Variants in ARID1B observed in about 807,000 individuals in gnomAD.
ARID1B encodes AT-rich interaction domain 1B.
In ARID1B, 30 loss-of-function variants were observed where a neutral mutation model predicts 212.3. The ratio of observed to expected loss-of-function variants is 0.14; its 90% CI spans 0.11 to 0.19. The LOEUF (loss-of-function observed/expected upper bound fraction) is 0.19, where lower values mean the gene tolerates loss of function less well. Ranked by LOEUF, ARID1B falls within the 10% of genes least tolerant of loss-of-function variation. The probability of loss-of-function intolerance (pLI) is 1.00; values close to 1 mark genes in which losing one functional copy is unlikely to be tolerated. For synonymous variants in ARID1B, 1,402 were observed against 1,301.7 expected (o/e 1.08, Z -1.66); for missense variants, 2,891 against 3,204.0 (o/e 0.90, Z 2.36).
chr6:157,183,730 C>T (rs1249072935), intron 12 of ARID1B, among the ~76,000 whole-genome samples: 1 of 152,168 alleles, frequency 6.6e-6, no homozygotes, highest in Non-Finnish European at 1.5e-5. Context: ...AAGTTGGGGG[C>T]CGTTGGTCCA....
At chr6:157,173,068 A>G (rs189653275) in intron 9 of ARID1B, 1 of 152,214 alleles carries the variant, frequency 6.6e-6, no homozygotes, top group Non-Finnish European at 1.5e-5. Context: ...TGTTGCGCAG[A>G]TGGTTTTCAC....
chr6:157,204,171 A>G, intron 19 of ARID1B, 175 bp downstream of exon 19: 2 of 793,682 alleles, frequency 2.5e-6, no homozygotes, highest in South Asian at 3.4e-5. Context: ...GATAATATTC[A>G]CTGTAGTCTT....
intron 11 of ARID1B, among the ~76,000 whole-genome samples, chr6:157,177,990 C>T (rs1032420357): frequency 6.6e-6 from 1 of 152,178 alleles, no homozygotes; most frequent in Non-Finnish European, 1.5e-5. Context: ...CGTACATGCT[C>T]TCTATTCACT....
At chr6:156,800,941 C>T (rs1399804499) in intron 1 of ARID1B, among the ~76,000 whole-genome samples, 1 of 152,146 alleles carries the variant, frequency 6.6e-6, no homozygotes, top group African/African-American at 2.4e-5. Context: ...TCTGCAGTGG[C>T]ATTAGCCACA....
chr6:157,024,602 AAAAAC>A (rs1780538575), intron 4 of ARID1B: 2 of 152,318 alleles, frequency 1.3e-5, no homozygotes, highest in African/African-American at 4.8e-5. Context: ...TCTCTACTTA[AAAAAC>A]AAAACAAAAC....
chr6:156,880,154 A>T (rs983221895), intron 2 of ARID1B, among the ~76,000 whole-genome samples: 1 of 152,180 alleles, frequency 6.6e-6, no homozygotes, highest in Non-Finnish European at 1.5e-5. Context: ...TGGGAGAGGG[A>T]GACATCTTAG....
intron 4 of ARID1B, among the ~76,000 whole-genome samples, chr6:157,021,509 C>T (rs1780258238): frequency 6.6e-6 from 1 of 152,202 alleles, no homozygotes; most frequent in South Asian, 2.1e-4. Context: ...GCGGGGGTTC[C>T]GGTGCCGCCC....
At chr6:157,066,792 A>G (rs1783702197) in intron 4 of ARID1B, among the ~76,000 whole-genome samples, 1 of 152,226 alleles carries the variant, frequency 6.6e-6, no homozygotes, top group Non-Finnish European at 1.5e-5. Context: ...GAATTATTAA[A>G]TGATTTTAAT....
intron 2 of ARID1B, among the ~76,000 whole-genome samples, chr6:156,880,739 C>CAAAAAA (rs141153792): frequency 2.1e-3 from 186 of 86,922 alleles, no homozygotes; most frequent in Middle Eastern, 8.9e-3. Context: ...GACTCTGTCT[C>CAAAAAA]AAAAAAAAAA....
intron 1 of ARID1B, among the ~76,000 whole-genome samples, chr6:156,804,621 A>ATC (rs1781018365): frequency 6.6e-6 from 1 of 152,092 alleles, no homozygotes; most frequent in South Asian, 2.1e-4. Flanking sequence ...TTATAAAACC[A>ATC]TCAGATTTCG....
chr6:157,041,235 C>T (rs1781853567), intron 4 of ARID1B, among the ~76,000 whole-genome samples: 1 of 152,130 alleles, frequency 6.6e-6, no homozygotes, highest in Non-Finnish European at 1.5e-5. Flanking sequence ...CCTTGTATAT[C>T]ATTAATGAAC....
rs527440771 is a variant in ARID1B at position 156,783,197 on chromosome 6, C to T, written c.1791+3726C>T. On this transcript the variant is annotated intron_variant, in intron 1 of 19. Transcript: ENST00000636930. ...ATACTTGTTCCATTTTTCTCAATGT[C>T]ATAGTGTATCAGAAGTGTGTTATGG... Among the ~76,000 whole-genome samples the T allele has an allele frequency of 5.3e-5, 8 of 151,994 alleles. No individual in the cohort carries two copies. In the East Asian group the frequency reaches 1.5e-3, roughly 29 times the overall value.
intron 4 of ARID1B, among the ~76,000 whole-genome samples, chr6:157,066,030 C>T (rs371434491): frequency 6.6e-6 from 1 of 152,200 alleles, no homozygotes. Context: ...CCCTACCACA[C>T]TGTCTGAATA....
intron 4 of ARID1B, among the ~76,000 whole-genome samples, chr6:156,987,524 G>T (rs1220457879): frequency 6.6e-6 from 1 of 152,088 alleles, no homozygotes; most frequent in Non-Finnish European, 1.5e-5. Context: ...TAGAGATGGG[G>T]TTTCACCGTG....
rs1258488735 is a variant in ARID1B at position 156,801,308 on chromosome 6, C to A, written c.1791+21837C>A. On this transcript the variant is annotated intron_variant, in intron 1 of 19. Coordinates refer to ENST00000636930, the MANE Select transcript of ARID1B (RefSeq NM_001374828.1). ...CTCTGCCTCCCGGTTTCAAGCAATT[C>A]TCTGCCTCAGCCTTCTGAGTAGCTA... Among the ~76,000 whole-genome samples the A allele has an allele frequency of 2.0e-5, 3 of 147,494 alleles. No homozygotes were observed. The Admixed American group carries it at 2.1e-4, about 10-fold the overall frequency.
At chr6:156,812,994 A>T (rs891383808) in intron 1 of ARID1B, among the ~76,000 whole-genome samples, 5 of 147,388 alleles carry the variant, frequency 3.4e-5, no homozygotes, top group African/African-American at 1.2e-4. Context: ...ATACATACGT[A>T]TGTATATACA....
Position 157,133,064 on chromosome 6 carries a change from C to G in ARID1B, c.2618C>G (p.Ala873Gly), listed in dbSNP as rs1788660904. Residue 873 changes from alanine to glycine, a missense_variant, in exon 7 of 20, where the codon GCT becomes GGT. This residue lies in a region of ARID1B where 1,643 missense variants were observed against 1,544.0 expected (regional missense o/e 1.06). Transcript: ENST00000636930. ...GGCACACAAAGAAACCCTCAGATGG[C>G]TCAGTATGGACCTCAACAGACAGGA... ...MAGTQRNPQM[A>G]QYGPQQTGPS... is the part of the protein sequence containing the mutation. The G allele has an allele frequency of 1.9e-6, 3 of 1,611,522 alleles. No homozygotes were observed. The highest frequency in any genetic ancestry group is 2.5e-6 in the Non-Finnish European group (3 of 1,179,338).
chr6:157,146,058 C>A, intron 7 of ARID1B, among the ~76,000 whole-genome samples: 1 of 152,250 alleles, frequency 6.6e-6, no homozygotes, highest in South Asian at 2.1e-4. Flanking sequence ...CAAGGCCCTG[C>A]CAGACCCAGC....
intron 4 of ARID1B, among the ~76,000 whole-genome samples, chr6:157,058,741 C>T (rs142778661): frequency 2.0e-5 from 3 of 152,284 alleles, no homozygotes; most frequent in Non-Finnish European, 4.4e-5. Flanking sequence ...AGGACACTAG[C>T]GGTGGCAGAC....
Sources: gnomAD v4.1 joint callset for allele counts (sites outside exome capture counted in the v4.1 genomes callset) on GRCh38, gnomAD v4.1.1 for gene constraint, gnomAD v4.1.1 regional missense constraint, MANE v1.5 for transcripts, NCBI Gene and HGNC (gene_info 2026-07-23, HGNC 2026-07-21) for gene names.